The following WDR93 variants were observed in gnomAD, a reference collection of about 807,000 sequenced individuals.
The protein encoded by WDR93 is WD repeat domain 93.
A neutral mutation model predicts 82.9 loss-of-function variants in WDR93; 73 were observed. The observed-to-expected ratio is 0.88, with a 90% CI of 0.73 to 1.07. WDR93 has a LOEUF of 1.07. WDR93 is among the 50% of genes least tolerant of loss of function. The probability of loss-of-function intolerance (pLI) is 0.00; values close to 1 mark genes in which losing one functional copy is unlikely to be tolerated. For synonymous variants in WDR93, 283 were observed against 300.1 expected (o/e 0.94, Z 0.59); for missense variants, 738 against 826.0 (o/e 0.89, Z 1.31).
intron 14 of WDR93, among the ~76,000 whole-genome samples, chr15:89,737,059 G>A (rs1304055566): frequency 6.6e-6 from 1 of 152,194 alleles, no homozygotes; most frequent in Non-Finnish European, 1.5e-5. Context: ...CCAAAGTGCT[G>A]GGATTACAGG....
intron 1 of WDR93, among the ~76,000 whole-genome samples, chr15:89,696,075 C>G (rs1965158312): frequency 1.3e-5 from 2 of 152,070 alleles, no homozygotes; most frequent in Non-Finnish European, 2.9e-5. Flanking sequence ...CCTTGGCCCC[C>G]CAAAGTGCTG....
intron 13 of WDR93, among the ~76,000 whole-genome samples, chr15:89,735,237 A>C (rs1596122307): frequency 6.6e-6 from 1 of 152,316 alleles, no homozygotes; most frequent in East Asian, 1.9e-4. Context: ...CAAGAGCCAT[A>C]CATGTTGATG....
In WDR93 at chr15:89,743,515, G is replaced by C. The variant is rs1967838541; in HGVS notation, c.*124G>C. The stretch of plus-strand genomic sequence containing the variant: ...TCCACAGGCCTGCACTCGGAGTCTG[G>C]GGCCTCTGCAGAGCCAGCAAGGGGA... On this transcript the variant is annotated 3_prime_UTR_variant, in exon 17 of 17. Coordinates refer to ENST00000268130, the MANE Select transcript of WDR93 (RefSeq NM_020212.2). 1.1e-6 allele frequency: 1 copy of C among 883,372 alleles called. No homozygotes were observed. The highest frequency in any genetic ancestry group is 1.8e-6 in the Non-Finnish European group (1 of 571,312). The allele number at this position is 883,372 out of a possible 1,614,324, so 54.7% of individuals were successfully genotyped here.
intron 11 of WDR93, among the ~76,000 whole-genome samples, chr15:89,730,253 A>G (rs866622360): frequency 1.1e-4 from 16 of 149,108 alleles, no homozygotes; most frequent in Middle Eastern, 3.4e-3. Flanking sequence ...TGAACCTGGG[A>G]GGCAGAGGTT....
At chr15:89,715,458 CAGACT>C (rs1223498323) in intron 6 of WDR93, among the ~76,000 whole-genome samples, 2 of 152,088 alleles carry the variant, frequency 1.3e-5, no homozygotes, top group African/African-American at 4.8e-5. Context: ...TAAATTTTTC[CAGACT>C]ATGGTATAAA....
intron 14 of WDR93, among the ~76,000 whole-genome samples, chr15:89,736,511 C>G (rs1391517856): frequency 6.6e-6 from 1 of 152,036 alleles, no homozygotes; most frequent in East Asian, 1.9e-4. Flanking sequence ...CCCATGGGCA[C>G]TACCATCACT....
chr15:89,694,515 G>A lies in WDR93; in HGVS notation c.-41+3658G>A, dbSNP rs543564015. 3.8e-4 allele frequency among the ~76,000 whole-genome samples: 58 copies of A among 152,250 alleles called. 1 individual carries two copies. The highest frequency in any genetic ancestry group is 1.1e-3 in the African/African-American group (47 of 41,554). ...CTCCCAAAGTGCTGGGATTACAGGC[G>A]TGAGCCACTGCACCCGGCCGGGTTA... On this transcript the variant is annotated intron_variant, in intron 1 of 16. Transcript: ENST00000268130.
At chr15:89,709,964 T>C (rs1373776785) in intron 4 of WDR93, among the ~76,000 whole-genome samples, 1 of 152,008 alleles carries the variant, frequency 6.6e-6, no homozygotes, top group Non-Finnish European at 1.5e-5. Context: ...AACAAGACCA[T>C]CCTGGCTAAC....
chr15:89,701,593 T>C (rs2141595867), intron 1 of WDR93, 114 bp from the exon 2 acceptor site: 1 of 872,634 alleles, frequency 1.1e-6, no homozygotes, highest in Non-Finnish European at 1.8e-6. Context: ...TTAAGGAAAA[T>C]GCCAGTCTGT....
Position 89,705,605 on chromosome 15 carries a change from C to A in WDR93, c.548C>A (p.Ala183Asp). The stretch of plus-strand genomic sequence containing the variant: ...AAGGAAGGACTTTACCTAGTCAAAG[C>A]CATCAATGAAGTGGTGAGTTCCTAT... ...FYKEGLYLVK[A>D]INEVDDTSKQ... The change falls in exon 4 of 17, where the codon GCC (alanine) becomes GAC (aspartate). Residue 183 changes from alanine (A) to aspartate (D), a missense_variant. Coordinates refer to ENST00000268130, the MANE Select transcript of WDR93 (RefSeq NM_020212.2). 1.3e-6 allele frequency: 2 copies of A among 1,565,626 alleles called. No homozygotes were observed. The highest frequency in any genetic ancestry group is 1.8e-6 in the Non-Finnish European group (2 of 1,135,742).
At chr15:89,708,342 G>A (rs953082669) in intron 4 of WDR93, among the ~76,000 whole-genome samples, 1 of 152,176 alleles carries the variant, frequency 6.6e-6, no homozygotes, top group African/African-American at 2.4e-5. Context: ...AGTAGCAGGA[G>A]CAGAGAGCGG....
intron 13 of WDR93, among the ~76,000 whole-genome samples, chr15:89,734,079 G>T (rs377006631): frequency 1.3e-5 from 2 of 152,044 alleles, no homozygotes; most frequent in Non-Finnish European, 2.9e-5. Context: ...CCCTGAAACC[G>T]TTGGAAATCG....
chr15:89,727,988 G>T (rs2055059336), intron 9 of WDR93, among the ~76,000 whole-genome samples: 1 of 152,038 alleles, frequency 6.6e-6, no homozygotes, highest in South Asian at 2.1e-4. Context: ...GGCTGAGGCA[G>T]GAGAATCACT....
In WDR93 at chr15:89,690,832, A is replaced by G; in HGVS notation, c.-66A>G. 1.8e-6 allele frequency: 1 copy of G among 557,448 alleles called. No individual in the cohort carries two copies. Among genetic ancestry groups the G allele is most frequent in the Non-Finnish European group, 3.2e-6 (1 of 312,768 alleles). 34.5% of individuals were successfully genotyped at this position (557,448 alleles called of 1,614,324 possible). A position where few individuals can be genotyped will look rare whatever the true frequency, so the allele number is the denominator to read the frequency against. Reference sequence around the variant, plus strand: ...GTTCAAGCCGGAAGTTGTGGTTACCAAGGCGACGCAACGCCGCCCGGCCAG... The same window carrying G: ...GTTCAAGCCGGAAGTTGTGGTTACCGAGGCGACGCAACGCCGCCCGGCCAG... On this transcript the variant is annotated 5_prime_UTR_variant, in exon 1 of 17. Coordinates refer to ENST00000268130, the MANE Select transcript of WDR93 (RefSeq NM_020212.2).
intron 13 of WDR93, among the ~76,000 whole-genome samples, chr15:89,734,034 T>G (rs1474321647): frequency 2.0e-5 from 3 of 151,924 alleles, no homozygotes; most frequent in Non-Finnish European, 2.9e-5. Flanking sequence ...TGTGTGTACG[T>G]GTGTGTGTGT....
chr15:89,690,657 T>A, upstream of WDR93: 1 of 1,542,376 alleles, frequency 6.5e-7, no homozygotes, highest in Non-Finnish European at 8.8e-7. Context: ...AGGCCACGAG[T>A]CGCACGGGGC....
At chr15:89,704,998 G>C (rs1965661900) in intron 3 of WDR93, 1 of 155,106 alleles carries the variant, frequency 6.4e-6, no homozygotes, top group African/African-American at 2.4e-5. Flanking sequence ...CCTCAAGAAA[G>C]AGGTAAGAAT....
At chr15:89,735,842 T>C (rs543007365) in intron 14 of WDR93, among the ~76,000 whole-genome samples, 41 of 152,304 alleles carry the variant, frequency 2.7e-4, no homozygotes, top group African/African-American at 9.1e-4. Context: ...TAACTCAACC[T>C]GCAGAAGTTG....
intron 16 of WDR93, among the ~76,000 whole-genome samples, chr15:89,740,224 A>C: frequency 6.6e-6 from 1 of 152,132 alleles, no homozygotes; most frequent in East Asian, 1.9e-4. Flanking sequence ...GAAAATTCTA[A>C]ACATTACCAC....
Sources: gnomAD v4.1 joint callset for allele counts (sites outside exome capture counted in the v4.1 genomes callset) on GRCh38, gnomAD v4.1.1 for gene constraint, MANE v1.5 for transcripts, NCBI Gene and HGNC (gene_info 2026-07-23, HGNC 2026-07-21) for gene names.